The following ABCC12 variants were observed in gnomAD, a reference collection of about 807,000 sequenced individuals.
ABCC12 encodes ATP binding cassette subfamily C member 12.
In ABCC12, 142 loss-of-function variants were observed where a neutral mutation model predicts 151.1. The observed-to-expected ratio is 0.94, with a 90% CI of 0.82 to 1.08. ABCC12 has a LOEUF of 1.08. ABCC12 is among the 50% of genes least tolerant of loss of function. The pLI is 0.00. For missense variants in ABCC12, 1,638 were observed against 1,691.1 expected (o/e 0.97, Z 0.55); for synonymous variants, 645 against 646.4 (o/e 1.00, Z 0.03).
At position 48,137,691 on chromosome 16, in the gene ABCC12, A is replaced by C. The variant is rs150857719; in HGVS notation, c.979+537T>G. Among the ~76,000 whole-genome samples, 122 of 152,376 alleles carry C rather than the reference A, an allele frequency of 8.0e-4. 3 individuals carry two copies. In the East Asian group the frequency reaches 0.022, roughly 27 times the overall value. Reference sequence around the variant, plus strand: ...CCTGAGTCTATGTCAGCAATTATGTAAATGTCCCTGCAATTAGATTTGCAT... The same window carrying C: ...CCTGAGTCTATGTCAGCAATTATGTCAATGTCCCTGCAATTAGATTTGCAT... On this transcript the variant is annotated intron_variant, in intron 8 of 30. Transcript: ENST00000311303.
At chr16:48,130,087 G>C (rs1429318640) in intron 10 of ABCC12, among the ~76,000 whole-genome samples, 1 of 152,202 alleles carries the variant, frequency 6.6e-6, no homozygotes. Flanking sequence ...TCTGACTCGG[G>C]TGAGTAAGAT....
chr16:48,150,284 A>C (rs181303174), intron 2 of ABCC12, among the ~76,000 whole-genome samples: 1 of 152,310 alleles, frequency 6.6e-6, no homozygotes, highest in East Asian at 1.9e-4. Context: ...TCATGCAAAA[A>C]ATATTTTTGT....
At chr16:48,131,322 C>T (rs1205976630) in intron 9 of ABCC12, among the ~76,000 whole-genome samples, 1 of 152,200 alleles carries the variant, frequency 6.6e-6, no homozygotes, top group Admixed American at 6.5e-5. Context: ...TTAGACTACA[C>T]CACACCACAG....
In ABCC12 at chr16:48,115,543, G is replaced by A. The variant is rs979891444; in HGVS notation, c.1861C>T (p.Arg621Cys). ...ISLARAVYSD[R>C]QLYLLDDPLS... ...GGGTCGTCCAGCAGGTAGAGCTGACGGTCGGAGTAGACAGCGCGGGCCAGG... is the reference window on the plus strand; with the variant it reads ...GGGTCGTCCAGCAGGTAGAGCTGACAGTCGGAGTAGACAGCGCGGGCCAGG... The change falls in exon 15 of 31, where the codon CGT becomes TGT. Residue 621 changes from arginine (R) to cysteine (C), a missense_variant. Physicochemically the swap from Arg to Cys is radical, Grantham distance 180 (BLOSUM62 -3). Transcript: ENST00000311303. 5.6e-6 allele frequency: 9 copies of A among 1,614,080 alleles called. No homozygotes were observed. The highest frequency in any genetic ancestry group is 1.6e-4 in the Middle Eastern group (1 of 6,082).
intron 19 of ABCC12, among the ~76,000 whole-genome samples, chr16:48,107,778 G>T (rs1963547053): frequency 6.6e-6 from 1 of 152,210 alleles, no homozygotes; most frequent in Non-Finnish European, 1.5e-5. Flanking sequence ...GAGGCAGGCG[G>T]ATCACCTGAG....
In ABCC12 at chr16:48,133,706, C is replaced by A; in HGVS notation, c.1109G>T (p.Arg370Leu). ...TCTTACCACGGGTGCGGTGAGTTTGCGTCTCAGGAGGATGTGGCAGGATAA... is the reference window on the plus strand; with the variant it reads ...TCTTACCACGGGTGCGGTGAGTTTGAGTCTCAGGAGGATGTGGCAGGATAA... ...LTLSCHILLR[R>L]KLTAPVAFSV... Residue 370 changes from arginine to leucine, a missense_variant, in exon 9 of 31, where the codon CGC becomes CTC. Arg to Leu is a moderately radical substitution (Grantham distance 102). Coordinates refer to ENST00000311303, the MANE Select transcript of ABCC12 (RefSeq NM_001393797.1). The A allele has an allele frequency of 2.5e-6, 4 of 1,613,914 alleles. No individual in the cohort carries two copies. Among genetic ancestry groups the A allele is most frequent in the Middle Eastern group, 1.7e-4 (1 of 6,048 alleles).
At position 48,143,966 on chromosome 16, in the gene ABCC12, G is replaced by A. The variant is rs374196035; in HGVS notation, c.219C>T (p.Thr73=). The A allele has an allele frequency of 1.1e-5, 18 of 1,614,060 alleles. No homozygotes were observed. The highest frequency in any genetic ancestry group is 5.3e-5 in the African/African-American group (4 of 74,892). ...TCGACAATGGGGGCAGGGTGTCTAC[G>A]GTCAGCCTTTGCCGGTAGCCTTTCA... The part of the protein sequence containing the change: ...VMVKGYRQRL[T]VDTLPPLSTY... Residue 73 remains threonine (T), a synonymous_variant, in exon 4 of 31, where the codon ACC becomes ACT. Coordinates refer to ENST00000311303, the MANE Select transcript of ABCC12 (RefSeq NM_001393797.1).
chr16:48,141,051 G>C (rs1316366797), intron 5 of ABCC12, 131 bp from the exon 6 acceptor site: 5 of 1,385,060 alleles, frequency 3.6e-6, no homozygotes, highest in Admixed American at 2.4e-5. Context: ...CTGCTGCTGT[G>C]CTTGACAAGG....
Position 48,124,208 on chromosome 16 carries a change from C to A in ABCC12, c.1587+5G>T. ...CATCTTCACAGCACTCATCACACAG[C>A]TTACCTGTCCTAGGAGAGCTGCAAG... is the stretch of plus-strand genomic sequence containing the variant. On this transcript the variant is annotated splice_donor_5th_base_variant and intron_variant, in intron 12 of 30. Coordinates refer to ENST00000311303, the MANE Select transcript of ABCC12 (RefSeq NM_001393797.1). 6.2e-7 allele frequency: 1 copy of A among 1,613,800 alleles called. No individual in the cohort carries two copies.
chr16:48,088,537 G>T lies in ABCC12; in HGVS notation c.3475+8C>A. 2 of 1,612,706 alleles carry T rather than the reference G, an allele frequency of 1.2e-6. No homozygotes were observed. The highest frequency in any genetic ancestry group is 1.7e-6 in the Non-Finnish European group (2 of 1,179,192). The stretch of plus-strand genomic sequence containing the variant: ...CCCAAAAGAAACAAAAGCAGAGCTT[G>T]TCCTCACCGGAACCTGTTCTTCCAA... On this transcript the variant is annotated splice_region_variant and intron_variant, in intron 26 of 30. Transcript: ENST00000311303.
intron 9 of ABCC12, among the ~76,000 whole-genome samples, chr16:48,131,458 A>T (rs1294284384): frequency 6.6e-6 from 1 of 152,016 alleles, no homozygotes; most frequent in Non-Finnish European, 1.5e-5. Context: ...TCACCACACA[A>T]GGCCAGATTT....
intron 21 of ABCC12, 100 bp downstream of exon 21, chr16:48,105,010 ACTAGACTGCAAGCTCTATGAGGGCTCTGG>A (rs1567447739): frequency 1.9e-6 from 2 of 1,044,918 alleles, no homozygotes; most frequent in Non-Finnish European, 2.9e-6. Flanking sequence ...CTCTTCCCAG[ACTAGACTGCAAGCTCTATGAGGGCTCTGG>A]CTGTCCCCAG....
chr16:48,150,759 T>C (rs188703606), intron 2 of ABCC12, among the ~76,000 whole-genome samples: 3 of 152,296 alleles, frequency 2.0e-5, no homozygotes, highest in East Asian at 1.9e-4. Flanking sequence ...AGGAAATATA[T>C]GTATGCATAT....
rs754331047 is a variant in ABCC12 at position 48,085,717 on chromosome 16, CA to C, written c.3715-12del. ...TGGGAGTTTCATTATCTACAAAACA[CA>C]AAAAATGCCACATTTGTGCTGATGA... On this transcript the variant is annotated splice_polypyrimidine_tract_variant and intron_variant, in intron 28 of 30. Coordinates refer to ENST00000311303, the MANE Select transcript of ABCC12 (RefSeq NM_001393797.1). 6.3e-7 allele frequency: 1 copy of C among 1,594,964 alleles called. No homozygotes were observed. The highest frequency in any genetic ancestry group is 8.6e-7 in the Non-Finnish European group (1 of 1,162,996).
intron 10 of ABCC12, among the ~76,000 whole-genome samples, chr16:48,129,895 T>C (rs8053815): frequency 0.016 from 2,428 of 152,282 alleles, 61 homozygotes; most frequent in African/African-American, 0.055. Flanking sequence ...TGTCCTTATG[T>C]TTGTTCAAAG....
chr16:48,134,776 G>A (rs1362370848), intron 8 of ABCC12, among the ~76,000 whole-genome samples: 1 of 152,190 alleles, frequency 6.6e-6, no homozygotes, highest in Non-Finnish European at 1.5e-5. Flanking sequence ...CCCTCAGCCA[G>A]GAGTGGTGGC....
rs770269435 is a variant in ABCC12 at position 48,100,865 on chromosome 16, G to A, written c.3038+7C>T. On this transcript the variant is annotated splice_region_variant and intron_variant, in intron 23 of 30. Transcript: ENST00000311303. The stretch of plus-strand genomic sequence containing the variant: ...GGGCCTGGGGCAGGGCCCCACATGG[G>A]ACTCACTAGGTGATGCAGCTCTCCT... 1.2e-6 allele frequency: 2 copies of A among 1,613,610 alleles called. No homozygotes were observed. Among genetic ancestry groups the A allele is most frequent in the Non-Finnish European group, 1.7e-6 (2 of 1,179,802 alleles).
At chr16:48,145,588 A>G (rs1465785810) in intron 3 of ABCC12, among the ~76,000 whole-genome samples, 19 of 152,214 alleles carry the variant, frequency 1.2e-4, no homozygotes, top group African/African-American at 4.6e-4. Flanking sequence ...TACAGTGAAA[A>G]AAGTGGTGTG....
At chr16:48,129,754 C>T (rs1964360665) in intron 10 of ABCC12, among the ~76,000 whole-genome samples, 1 of 152,144 alleles carries the variant, frequency 6.6e-6, no homozygotes, top group Non-Finnish European at 1.5e-5. Context: ...ATAATGGAAG[C>T]CTCAACTGAA....
Sources: gnomAD v4.1 joint callset for allele counts (sites outside exome capture counted in the v4.1 genomes callset) on GRCh38, gnomAD v4.1.1 for gene constraint, MANE v1.5 for transcripts, NCBI Gene and HGNC (gene_info 2026-07-23, HGNC 2026-07-21) for gene names.